ANK3: variants seen among roughly 807,000 people sequenced by gnomAD.
ANK3 encodes the protein ankyrin 3, also known as ankyrin-3.
ANK3 carries 57 observed loss-of-function variants against 370.9 expected under a neutral mutation model. That is an observed-to-expected ratio of 0.15 (90% CI 0.12 to 0.19). The LOEUF is 0.19. ANK3 is among the 10% of genes least tolerant of loss of function. The probability of loss-of-function intolerance (pLI) is 1.00; values close to 1 mark genes in which losing one functional copy is unlikely to be tolerated. For synonymous variants in ANK3, 1,929 were observed against 1,946.3 expected (o/e 0.99, Z 0.23); for missense variants, 4,439 against 5,302.1 (o/e 0.84, Z 5.06).
chr10:60,087,783 C>T (rs2087082769), intron 29 of ANK3, among the ~76,000 whole-genome samples: 1 of 152,150 alleles, frequency 6.6e-6, no homozygotes, highest in South Asian at 2.1e-4. Context: ...TTACTTCAAT[C>T]AAATGAAAAC....
At chr10:60,083,218 A>G (rs1249652277) in intron 33 of ANK3, among the ~76,000 whole-genome samples, 1 of 152,214 alleles carries the variant, frequency 6.6e-6, no homozygotes, top group Non-Finnish European at 1.5e-5. Context: ...ACCAGAAATA[A>G]CACATTGTAT....
At chr10:60,156,348 G>C (rs1248181179) in intron 23 of ANK3, among the ~76,000 whole-genome samples, 1 of 152,184 alleles carries the variant, frequency 6.6e-6, no homozygotes, top group Non-Finnish European at 1.5e-5. Context: ...ACCCACGCTG[G>C]ACCAGCAGGG....
intron 25 of ANK3, among the ~76,000 whole-genome samples, chr10:60,133,791 C>T (rs1210466597): frequency 1.3e-5 from 2 of 152,018 alleles, no homozygotes; most frequent in Admixed American, 6.6e-5. Flanking sequence ...TGTGGTGGTG[C>T]GCCTGTGGTC....
chr10:60,294,928 G>A (rs765602777), intron 1 of ANK3, among the ~76,000 whole-genome samples: 8 of 152,116 alleles, frequency 5.3e-5, no homozygotes, highest in Non-Finnish European at 7.4e-5. Flanking sequence ...AAGAAAATAA[G>A]GAAGGACGTT....
intron 1 of ANK3, among the ~76,000 whole-genome samples, chr10:60,624,774 T>C (rs183576589): frequency 1.3e-5 from 2 of 149,558 alleles, no homozygotes. Flanking sequence ...ATGCTAGAAC[T>C]TTATAGAAAA....
chr10:60,068,811 C>T lies in ANK3; in HGVS notation c.12070G>A (p.Glu4024Lys), dbSNP rs377041799. ...GTACTTTCTTCCTCATCGGACAACT[C>T]GGACTGCATCTTTTTTTCTTCTTCA... is the stretch of plus-strand genomic sequence containing the variant. The part of the protein sequence containing the change: ...LSEEEKKMQS[E>K]LSDEEESTSR... The change falls in exon 37 of 44, where the codon GAG becomes AAG. Residue 4024 changes from glutamate (E) to lysine (K), a missense_variant. Glu to Lys is a moderately conservative substitution (Grantham distance 56). Transcript: ENST00000280772. The T allele has an allele frequency of 8.7e-5, 140 of 1,614,210 alleles. No homozygotes were observed. Among genetic ancestry groups the T allele is most frequent in the Middle Eastern group, 1.6e-4 (1 of 6,062 alleles).
At chr10:60,329,259 A>G (rs1371463483) in intron 1 of ANK3, among the ~76,000 whole-genome samples, 1 of 152,198 alleles carries the variant, frequency 6.6e-6, no homozygotes, top group African/African-American at 2.4e-5. Flanking sequence ...TTTTTATTCA[A>G]CATAGTATTG....
intron 1 of ANK3, among the ~76,000 whole-genome samples, chr10:60,632,489 C>T (rs1238835080): frequency 6.6e-6 from 1 of 152,056 alleles, no homozygotes; most frequent in Non-Finnish European, 1.5e-5. Flanking sequence ...TAGCTCGTAC[C>T]TGTAATCTCA....
chr10:60,280,088 G>A (rs2098139611), intron 1 of ANK3, among the ~76,000 whole-genome samples: 1 of 152,124 alleles, frequency 6.6e-6, no homozygotes, highest in African/African-American at 2.4e-5. Context: ...CTTAGAGACA[G>A]GGTCTCACTT....
chr10:60,173,306 T>C (rs2095843475), intron 18 of ANK3, 120 bp from the exon 19 acceptor site: 2 of 760,402 alleles, frequency 2.6e-6, no homozygotes, highest in African/African-American at 1.8e-5. Context: ...AGTAGGTTTT[T>C]TTCTTCTCTA....
At chr10:60,508,478 T>C (rs1267895560) in intron 2 of ANK3, 2 of 152,558 alleles carry the variant, frequency 1.3e-5, no homozygotes, top group African/African-American at 4.8e-5. Flanking sequence ...ACTTACCCTC[T>C]CTCTTAGGAC....
chr10:60,392,893 C>A (rs546360154), upstream of ANK3, among the ~76,000 whole-genome samples: 16 of 152,174 alleles, frequency 1.1e-4, no homozygotes, highest in South Asian at 3.1e-3. Context: ...CACACCACTG[C>A]ACTCCAGTCT....
rs576873825 is a variant in ANK3 at position 60,679,654 on chromosome 10, C to T, written c.57+53609G>A. Among the ~76,000 whole-genome samples the T allele has an allele frequency of 8.5e-5, 13 of 152,216 alleles. No homozygotes were observed. In the East Asian group the frequency reaches 2.1e-3, roughly 25 times the overall value. On this transcript the variant is annotated intron_variant, in intron 1 of 43. Coordinates refer to the ANK3 transcript ENST00000373827. ...GGCCACCGTGCATGCGGATAGCCTACCCCAAGAAAGAATCAGGGGAGAAGA... is the reference window on the plus strand; with the variant it reads ...GGCCACCGTGCATGCGGATAGCCTATCCCAAGAAAGAATCAGGGGAGAAGA...
intron 1 of ANK3, among the ~76,000 whole-genome samples, chr10:60,281,833 T>C (rs10821709): frequency 0.25 from 38,275 of 152,068 alleles, 4,971 homozygotes; most frequent in South Asian, 0.31. Context: ...CAGCTATTAC[T>C]TAAAATAACA....
rs747880863 is a variant in ANK3 at position 60,181,376 on chromosome 10, C to T, written c.2137G>A (p.Ala713Thr). The T allele has an allele frequency of 6.2e-7, 1 of 1,614,162 alleles. No individual in the cohort carries two copies. Among genetic ancestry groups the T allele is most frequent in the Non-Finnish European group, 8.5e-7 (1 of 1,180,030 alleles). The change falls in exon 18 of 44, where the codon GCA becomes ACA. Residue 713 changes from alanine (A) to threonine (T), a missense_variant. By Grantham distance (58) the Ala-to-Thr change is moderately conservative (BLOSUM62 0). This residue lies in a region of ANK3 where 702 missense variants were observed against 941.5 expected (regional missense o/e 0.75). Coordinates refer to ENST00000280772, the MANE Select transcript of ANK3 (RefSeq NM_020987.5). ...GCCCCTTGGTTTACGAGGACTTCTG[C>T]CACATTCACTCGATCTTCTTGAGCA... ...LAAQEDRVNVAEVLVNQGAHV... is the reference protein window; with the variant it reads ...LAAQEDRVNVTEVLVNQGAHV...
At chr10:60,503,590 C>G (rs1415873241) in intron 2 of ANK3, among the ~76,000 whole-genome samples, 1 of 152,202 alleles carries the variant, frequency 6.6e-6, no homozygotes, top group African/African-American at 2.4e-5. Flanking sequence ...GAACCCAGGA[C>G]TGAAGCTCAG....
rs116993034 is a variant in ANK3 at position 60,342,793 on chromosome 10, C to A, written c.114+46632G>T. Among the ~76,000 whole-genome samples the A allele has an allele frequency of 8.0e-4, 121 of 152,150 alleles. 2 individuals carry two copies. The East Asian group carries it at 0.021, about 27-fold the overall frequency. ...ATGGCAGTGCTTTCCAAAATATTTT[C>A]TACATAAGATGAAGTCATTGAGATA... On this transcript the variant is annotated intron_variant, in intron 1 of 43. Coordinates refer to ENST00000280772, the MANE Select transcript of ANK3 (RefSeq NM_020987.5).
At chr10:60,351,532 T>C (rs994685710) in intron 1 of ANK3, among the ~76,000 whole-genome samples, 5 of 152,202 alleles carry the variant, frequency 3.3e-5, no homozygotes, top group African/African-American at 9.6e-5. Flanking sequence ...AGTTCCTTAT[T>C]TGAAGAAGAA....
intron 1 of ANK3, among the ~76,000 whole-genome samples, chr10:60,333,874 A>C (rs532699806): frequency 6.6e-6 from 1 of 152,198 alleles, no homozygotes; most frequent in Non-Finnish European, 1.5e-5. Flanking sequence ...TCTTTTCTAC[A>C]GATGAACCCA....
Sources: allele counts gnomAD v4.1 joint callset (sites outside exome capture counted in the v4.1 genomes callset), GRCh38; gene constraint gnomAD v4.1.1; regional missense constraint gnomAD v4.1.1; transcripts MANE v1.5; gene names NCBI Gene and HGNC (gene_info 2026-07-23, HGNC 2026-07-21).